The following SPATA17 variants were observed in gnomAD, a reference collection of about 807,000 sequenced individuals.
The protein encoded by SPATA17 is spermatogenesis associated 17.
SPATA17 carries 53 observed loss-of-function variants against 62.2 expected under a neutral mutation model. That is an observed-to-expected ratio of 0.85 (90% CI 0.68 to 1.07). The LOEUF is 1.07. Ranked by LOEUF, SPATA17 falls within the 50% of genes least tolerant of loss-of-function variation. The pLI is 0.00. For synonymous variants in SPATA17, 146 were observed against 146.8 expected (o/e 0.99, Z 0.04); for missense variants, 466 against 425.5 (o/e 1.10, Z -0.84).
chr1:217,817,093 T>C (rs1047869250), intron 9 of SPATA17, among the ~76,000 whole-genome samples: 5 of 152,120 alleles, frequency 3.3e-5, no homozygotes, highest in Non-Finnish European at 5.9e-5. Flanking sequence ...AGTTGTATTT[T>C]AGTGAAATCT....
At chr1:217,654,875 G>A (rs1361031634) in intron 3 of SPATA17, among the ~76,000 whole-genome samples, 1 of 151,974 alleles carries the variant, frequency 6.6e-6, no homozygotes, top group Admixed American at 6.6e-5. Flanking sequence ...ACCACGCCCG[G>A]CTAATTTTTG....
chr1:217,684,931 A>G (rs1306202499), intron 5 of SPATA17, among the ~76,000 whole-genome samples: 1 of 152,176 alleles, frequency 6.6e-6, no homozygotes, highest in Non-Finnish European at 1.5e-5. Flanking sequence ...TGATTTCTTT[A>G]GAAAGAGAGC....
At chr1:217,835,065 G>A (rs1675231159) in intron 9 of SPATA17, among the ~76,000 whole-genome samples, 1 of 152,270 alleles carries the variant, frequency 6.6e-6, no homozygotes, top group Middle Eastern at 3.4e-3. Flanking sequence ...CAGGTGTGTA[G>A]TAGATTATAC....
At chr1:217,802,548 C>T (rs1203583912) in intron 9 of SPATA17, among the ~76,000 whole-genome samples, 5 of 152,202 alleles carry the variant, frequency 3.3e-5, no homozygotes. Context: ...TACCATCTCC[C>T]TGTTTGCTCA....
chr1:217,771,652 C>T (rs996076235), intron 6 of SPATA17, among the ~76,000 whole-genome samples: 2 of 152,000 alleles, frequency 1.3e-5, no homozygotes, highest in South Asian at 4.1e-4. Flanking sequence ...ATACTGACAC[C>T]TTGAAGACTT....
At chr1:217,800,602 T>C (rs1571813975) in intron 8 of SPATA17, among the ~76,000 whole-genome samples, 2 of 152,302 alleles carry the variant, frequency 1.3e-5, no homozygotes, top group Admixed American at 1.3e-4. Context: ...TTCAGCTTCA[T>C]TCCTTCTCTC....
intron 3 of SPATA17, among the ~76,000 whole-genome samples, chr1:217,660,583 TG>T (rs1004359561): frequency 6.6e-6 from 1 of 152,200 alleles, no homozygotes; most frequent in African/African-American, 2.4e-5. Context: ...CCCACCGATG[TG>T]GGGCTTGTCT....
intron 8 of SPATA17, 91 bp from the exon 9 acceptor site, chr1:217,801,627 A>T (rs1674314362): frequency 1.0e-6 from 1 of 982,554 alleles, no homozygotes; most frequent in Non-Finnish European, 1.4e-6. Flanking sequence ...TATCATTTTC[A>T]CTGTACTATA....
chr1:217,720,234 A>G (rs1020944461), intron 5 of SPATA17, among the ~76,000 whole-genome samples: 23 of 152,202 alleles, frequency 1.5e-4, no homozygotes, highest in African/African-American at 5.1e-4. Flanking sequence ...AAAATAAATT[A>G]TTTGAAACTG....
intron 4 of SPATA17, among the ~76,000 whole-genome samples, chr1:217,674,350 T>C (rs187739704): frequency 1.3e-5 from 2 of 152,296 alleles, no homozygotes; most frequent in African/African-American, 4.8e-5. Flanking sequence ...AGATCAATGC[T>C]CTTTTGATTT....
chr1:217,757,493 C>A (rs2102960267), intron 6 of SPATA17, among the ~76,000 whole-genome samples: 1 of 152,190 alleles, frequency 6.6e-6, no homozygotes, highest in East Asian at 1.9e-4. Context: ...GGGGAAGGGG[C>A]TAAATTAGGT....
chr1:217,844,475 A>AT (rs1675480741), intron 9 of SPATA17, among the ~76,000 whole-genome samples: 1 of 152,080 alleles, frequency 6.6e-6, no homozygotes, highest in South Asian at 2.1e-4. Flanking sequence ...TGTGTTTTAA[A>AT]AAAATGAGTG....
chr1:217,653,236 G>A (rs1670365470), intron 3 of SPATA17, among the ~76,000 whole-genome samples: 1 of 152,108 alleles, frequency 6.6e-6, no homozygotes, highest in Non-Finnish European at 1.5e-5. Context: ...GTCTTTCTTA[G>A]AATTAGTGAC....
At position 217,840,406 on chromosome 1, in the gene SPATA17, C is replaced by A. The variant is rs117244676; in HGVS notation, c.1006-22368C>A. ...ACTTTTAAGCCTCAGAACTAACTAA[C>A]CTAGGATATTGATATTATCATTCCT... On this transcript the variant is annotated intron_variant, in intron 9 of 10. Transcript: ENST00000366933. Among the ~76,000 whole-genome samples, 106 of 152,182 alleles carry A rather than the reference C, an allele frequency of 7.0e-4. 2 individuals are homozygous for A. The East Asian group carries it at 0.019, about 27-fold the overall frequency.
chr1:217,726,514 C>T (rs1323924503), intron 5 of SPATA17, among the ~76,000 whole-genome samples: 2 of 152,170 alleles, frequency 1.3e-5, no homozygotes, highest in African/African-American at 2.4e-5. Flanking sequence ...GGCCGTCAAA[C>T]TTGTTCAGTA....
intron 5 of SPATA17, among the ~76,000 whole-genome samples, chr1:217,690,476 T>A (rs1457567944): frequency 1.4e-5 from 1 of 73,574 alleles, no homozygotes; most frequent in South Asian, 3.0e-4. Flanking sequence ...ATTTTTTATT[T>A]TTTTTTTTTT....
intron 9 of SPATA17, among the ~76,000 whole-genome samples, chr1:217,847,567 G>A (rs1372756895): frequency 4.6e-5 from 7 of 151,982 alleles, no homozygotes; most frequent in Admixed American, 2.0e-4. Flanking sequence ...TTGTAGAGGG[G>A]GTTGGTATTA....
chr1:217,758,164 T>C (rs947424368), intron 6 of SPATA17, among the ~76,000 whole-genome samples: 8 of 152,308 alleles, frequency 5.3e-5, no homozygotes, highest in African/African-American at 1.7e-4. Flanking sequence ...TTATAAGTGC[T>C]TTACATAAAT....
intron 8 of SPATA17, among the ~76,000 whole-genome samples, chr1:217,791,809 G>A (rs950117915): frequency 1.3e-4 from 20 of 152,286 alleles, no homozygotes; most frequent in Middle Eastern, 3.4e-3. Context: ...TGTTAGCTAT[G>A]GAGATGTTTT....
Sources: allele counts gnomAD v4.1 joint callset (sites outside exome capture counted in the v4.1 genomes callset), GRCh38; gene constraint gnomAD v4.1.1; transcripts MANE v1.5; gene names NCBI Gene and HGNC (gene_info 2026-07-23, HGNC 2026-07-21).